GUCY2F: variants seen among roughly 807,000 people sequenced by gnomAD.
GUCY2F encodes the protein guanylate cyclase 2F, retinal.
A neutral mutation model predicts 73.1 loss-of-function variants in GUCY2F; 61 were observed. The ratio of observed to expected loss-of-function variants is 0.83; its 90% CI spans 0.68 to 1.03. The LOEUF (loss-of-function observed/expected upper bound fraction) is 1.03, where lower values mean the gene tolerates loss of function less well. GUCY2F is among the 50% of genes least tolerant of loss of function. The probability of loss-of-function intolerance (pLI) is 0.00; values close to 1 mark genes in which losing one functional copy is unlikely to be tolerated. For missense variants in GUCY2F, 912 were observed against 854.3 expected (o/e 1.07, Z -0.84); for synonymous variants, 331 against 307.8 (o/e 1.08, Z -0.79).
intron 15 of GUCY2F, among the ~76,000 whole-genome samples, chrX:109,387,926 G>A (rs1307753073): frequency 9.0e-6 from 1 of 111,670 alleles, no homozygotes; most frequent in Non-Finnish European, 1.9e-5. Flanking sequence ...ACAAGGACCG[G>A]GGAAAGTGGT....
chrX:109,451,981 T>C, intron 5 of GUCY2F, 42 bp downstream of exon 5: 2 of 681,603 alleles, frequency 2.9e-6, no homozygotes, highest in Non-Finnish European at 4.8e-6. Flanking sequence ...AAGGCTAATA[T>C]GGGCTTGTAT....
At chrX:109,471,062 A>G (rs984486659) in intron 2 of GUCY2F, among the ~76,000 whole-genome samples, 1 of 111,982 alleles carries the variant, frequency 8.9e-6, no homozygotes, top group Non-Finnish European at 1.9e-5. Context: ...TCTTTTTCTT[A>G]TATACAAGAA....
intron 5 of GUCY2F, among the ~76,000 whole-genome samples, chrX:109,449,472 G>GGCAC (rs1405213158): frequency 8.9e-6 from 1 of 111,757 alleles, no homozygotes; most frequent in Non-Finnish European, 1.9e-5. Context: ...TCTTAAAACA[G>GGCAC]GCACACCTGT....
rs368011823 is a variant in GUCY2F at position 109,449,793 on chromosome X, G to A, written c.1473-1628C>T. 1.2e-4 allele frequency among the ~76,000 whole-genome samples: 13 copies of A among 111,757 alleles called. No individual in the cohort carries two copies. In the East Asian group the frequency reaches 1.4e-3, roughly 12 times the overall value. On this transcript the variant is annotated intron_variant, in intron 5 of 19. Transcript: ENST00000218006. Reference sequence around the variant, plus strand: ...ATTATCATCATTAGTATAACAAAGCGCGGGAGAGCTTTATAGAAAGGCGAT... The same window carrying A: ...ATTATCATCATTAGTATAACAAAGCACGGGAGAGCTTTATAGAAAGGCGAT...
intron 5 of GUCY2F, among the ~76,000 whole-genome samples, chrX:109,449,105 C>T (rs2147275961): frequency 9.0e-6 from 1 of 111,281 alleles, no homozygotes; most frequent in Admixed American, 9.6e-5. Context: ...TTGCTTTTTC[C>T]ATAACCCCAT....
chrX:109,476,801 A>G (rs184476178), intron 1 of GUCY2F, among the ~76,000 whole-genome samples: 1 of 108,166 alleles, frequency 9.2e-6, no homozygotes, highest in East Asian at 2.8e-4. Flanking sequence ...GTGTGTGTGT[A>G]TATATGTGCG....
chrX:109,417,023 TATC>T (rs779080065), intron 8 of GUCY2F, among the ~76,000 whole-genome samples: 1 of 101,798 alleles, frequency 9.8e-6, no homozygotes, highest in South Asian at 4.2e-4. Context: ...CAAGCAAAAA[TATC>T]ATTCAAAATC....
intron 7 of GUCY2F, among the ~76,000 whole-genome samples, chrX:109,438,835 T>A (rs370898403): frequency 1.8e-5 from 2 of 112,799 alleles, no homozygotes; most frequent in African/African-American, 6.4e-5. Context: ...AGGATCTTTG[T>A]GGTGGCCCTG....
At position 109,475,930 on chromosome X, in the gene GUCY2F, G is replaced by A; in HGVS notation, c.7C>T (p.Leu3=). MF[L]GLGRFSRLVL... ...AGGCGAGAAAAGCGCCCGAGTCCCA[G>A]GAACATAGCCCTCCTGCTTCCAGCA... is the stretch of plus-strand genomic sequence containing the variant. The change falls in exon 2 of 20, where the codon CTG becomes TTG. Residue 3 remains leucine, a synonymous_variant. Transcript: ENST00000218006. 8.3e-7 allele frequency: 1 copy of A among 1,199,983 alleles called. No individual in the cohort carries two copies. The highest frequency in any genetic ancestry group is 3.0e-5 in the East Asian group (1 of 33,762).
At chrX:109,461,592 A>T (rs758046386) in intron 3 of GUCY2F, among the ~76,000 whole-genome samples, 4 of 112,026 alleles carry the variant, frequency 3.6e-5, no homozygotes, top group South Asian at 3.8e-4. Context: ...AAGGTCTATA[A>T]GGGTGGCAAT....
At chrX:109,429,744 A>G (rs936468583) in intron 8 of GUCY2F, among the ~76,000 whole-genome samples, 3 of 112,315 alleles carry the variant, frequency 2.7e-5, no homozygotes, top group African/African-American at 9.7e-5. Flanking sequence ...AGGAAGGATC[A>G]TCAGTATCCC....
chrX:109,389,115 T>C, intron 14 of GUCY2F, among the ~76,000 whole-genome samples: 1 of 111,881 alleles, frequency 8.9e-6, no homozygotes, highest in African/African-American at 3.2e-5. Context: ...AGGAAGAACA[T>C]TCCCTCTGCT....
intron 6 of GUCY2F, among the ~76,000 whole-genome samples, chrX:109,446,131 A>C (rs994443072): frequency 2.7e-5 from 3 of 112,165 alleles, no homozygotes; most frequent in Non-Finnish European, 3.8e-5. Flanking sequence ...AAGAGGACAC[A>C]AACAAATGGA....
Position 109,408,999 on chromosome X carries a change from A to G in GUCY2F, c.1961T>C (p.Leu654Pro). Residue 654 changes from leucine to proline, a missense_variant, in exon 9 of 20, where the codon CTC (leucine) becomes CCC (proline). Leu to Pro is a moderately conservative substitution (Grantham distance 98). Coordinates refer to ENST00000218006, the MANE Select transcript of GUCY2F (RefSeq NM_001522.3). Reference protein sequence around the residue: ...WMFKSSLLLDLIKGMKYLHHR... With the variant: ...WMFKSSLLLDPIKGMKYLHHR... Reference sequence around the variant, plus strand: ...CTCAGTCTTCCCATTAACCTTTATGAGATCCAGCAAGAGTGATGATTTAAA... The same window carrying G: ...CTCAGTCTTCCCATTAACCTTTATGGGATCCAGCAAGAGTGATGATTTAAA... The G allele has an allele frequency of 9.1e-7, 1 of 1,097,651 alleles. No homozygotes were observed. The highest frequency in any genetic ancestry group is 1.9e-5 in the South Asian group (1 of 53,186). 90.5% of individuals were successfully genotyped at this position (1,097,651 alleles called of 1,213,427 possible).
intron 6 of GUCY2F, among the ~76,000 whole-genome samples, chrX:109,447,740 G>A (rs1032033885): frequency 8.4e-4 from 92 of 109,381 alleles, no homozygotes; most frequent in Non-Finnish European, 1.6e-3. Flanking sequence ...AAACCTGCAC[G>A]TTATGCACAT....
chrX:109,430,646 C>T (rs764664646), intron 7 of GUCY2F, among the ~76,000 whole-genome samples: 2 of 112,173 alleles, frequency 1.8e-5, no homozygotes, highest in African/African-American at 3.2e-5. Context: ...ACTCCAGAAA[C>T]GGAATGATAC....
At chrX:109,445,592 A>C (rs1353215686) in intron 6 of GUCY2F, among the ~76,000 whole-genome samples, 1 of 111,952 alleles carries the variant, frequency 8.9e-6, no homozygotes, top group Non-Finnish European at 1.9e-5. Context: ...AAGCTTTTTG[A>C]TGTGCTGCTG....
At chrX:109,447,665 A>G (rs771890874) in intron 6 of GUCY2F, among the ~76,000 whole-genome samples, 21 of 105,611 alleles carry the variant, frequency 2.0e-4, no homozygotes, top group South Asian at 1.4e-3. Context: ...TAGGAGATAT[A>G]CCTAATGTAA....
intron 8 of GUCY2F, among the ~76,000 whole-genome samples, chrX:109,426,406 T>G (rs1379863496): frequency 1.8e-5 from 2 of 111,883 alleles, no homozygotes; most frequent in Admixed American, 9.4e-5. Context: ...TTCTATTTTT[T>G]GAGACGGAGT....
Sources: gnomAD v4.1 joint callset for allele counts (sites outside exome capture counted in the v4.1 genomes callset) on GRCh38, gnomAD v4.1.1 for gene constraint, MANE v1.5 for transcripts, NCBI Gene and HGNC (gene_info 2026-07-23, HGNC 2026-07-21) for gene names.